Variants in RBFOX1 observed in about 807,000 individuals in gnomAD.
RBFOX1 encodes RNA binding protein fox-1 homolog 1.
Under a neutral mutation model 57.7 loss-of-function variants are expected in RBFOX1, and 8 were observed. That is an observed-to-expected ratio of 0.14 (90% CI 0.08 to 0.25). RBFOX1 has a LOEUF of 0.25. Ranked by LOEUF, RBFOX1 falls within the 10% of genes least tolerant of loss-of-function variation. RBFOX1 has a pLI of 1.00. For synonymous variants in RBFOX1, 326 were observed against 222.4 expected (o/e 1.47, Z -4.15); for missense variants, 611 against 548.5 (o/e 1.11, Z -1.14).
At chr16:5,496,348 TC>T (rs1016261233) in intron 2 of RBFOX1, among the ~76,000 whole-genome samples, 6 of 152,118 alleles carry the variant, frequency 3.9e-5, no homozygotes, top group Non-Finnish European at 8.8e-5. Flanking sequence ...TTTGGGGACC[TC>T]CCTTAGCCCT....
intron 5 of RBFOX1, among the ~76,000 whole-genome samples, chr16:7,547,534 T>C (rs764437495): frequency 3.3e-5 from 5 of 152,180 alleles, no homozygotes; most frequent in Non-Finnish European, 4.4e-5. Context: ...ACATACTTTA[T>C]TGAAGAAAAA....
rs1305627364 is a variant in RBFOX1, at chr16:6,097,722, G to C, written c.-127+77730G>C. Among the ~76,000 whole-genome samples the C allele has an allele frequency of 1.3e-5, 2 of 151,778 alleles. No homozygotes were observed. Among genetic ancestry groups the C allele is most frequent in the African/African-American group, 4.8e-5 (2 of 41,320 alleles). ...TCTGGAGCCCATAGACTCAACTCCT[G>C]TGCTATACTGCCTCTGTGTCTTTGG... is the stretch of plus-strand genomic sequence containing the variant. On this transcript the variant is annotated intron_variant, in intron 1 of 15. Transcript: ENST00000550418. This position sits in a 1 kb window ranked among gnomAD's most constrained non-coding sequence, Gnocchi z 5.0.
chr16:7,601,528 C>T (rs186123192), intron 9 of RBFOX1, among the ~76,000 whole-genome samples: 3 of 152,150 alleles, frequency 2.0e-5, no homozygotes, highest in Non-Finnish European at 2.9e-5. Flanking sequence ...CAGGTAAAAT[C>T]AGCAAACAGA....
At chr16:7,659,037 A>C (rs1394395650) in intron 12 of RBFOX1, among the ~76,000 whole-genome samples, 1 of 152,012 alleles carries the variant, frequency 6.6e-6, no homozygotes, top group Non-Finnish European at 1.5e-5. Context: ...TGTTTTTATT[A>C]TTATTCTAAG....
chr16:7,316,428 C>G (rs540944510), intron 4 of RBFOX1, among the ~76,000 whole-genome samples: 1 of 152,180 alleles, frequency 6.6e-6, no homozygotes, highest in Non-Finnish European at 1.5e-5. Context: ...CACCTCAAAT[C>G]TGATTATTTC....
rs77099973 is a variant in RBFOX1, at chr16:5,479,802, A to G, written c.258+12548A>G. ...GAATTATTTCTCCCCTGCTACCTGTATTCATGGTGGTCAGACGTGTCCTTG... is the reference window on the plus strand; with the variant it reads ...GAATTATTTCTCCCCTGCTACCTGTGTTCATGGTGGTCAGACGTGTCCTTG... On this transcript the variant is annotated intron_variant, in intron 2 of 2. Transcript: ENST00000585867. 4.6e-5 allele frequency among the ~76,000 whole-genome samples: 7 copies of G among 151,692 alleles called. No individual in the cohort carries two copies. In the East Asian group the frequency reaches 1.4e-3, roughly 30 times the overall value.
chr16:5,696,688 A>T (rs1277626226), intron 3 of RBFOX1, among the ~76,000 whole-genome samples: 1 of 152,228 alleles, frequency 6.6e-6, no homozygotes, highest in Non-Finnish European at 1.5e-5. Flanking sequence ...TATGAATTGC[A>T]TGGAATTCAA....
chr16:6,598,988 C>T (rs1229097231), intron 2 of RBFOX1, among the ~76,000 whole-genome samples: 2 of 152,114 alleles, frequency 1.3e-5, no homozygotes, highest in South Asian at 2.1e-4. Flanking sequence ...TTTCCCATCC[C>T]AGTGTCAGCA....
intron 4 of RBFOX1, among the ~76,000 whole-genome samples, chr16:7,439,241 T>A (rs949367350): frequency 1.3e-5 from 2 of 152,108 alleles, no homozygotes; most frequent in East Asian, 3.9e-4. Flanking sequence ...AACATCTGAA[T>A]CATATGATCA....
intron 3 of RBFOX1, among the ~76,000 whole-genome samples, chr16:6,823,490 C>T (rs1225180850): frequency 2.0e-5 from 3 of 151,946 alleles, no homozygotes; most frequent in Admixed American, 6.5e-5. Context: ...CTACTGGTCT[C>T]AGGTCATCTG....
chr16:7,049,277 G>T (rs2049109128), intron 3 of RBFOX1, among the ~76,000 whole-genome samples: 1 of 152,122 alleles, frequency 6.6e-6, no homozygotes, highest in Non-Finnish European at 1.5e-5. Context: ...CAAGAGAAGA[G>T]AGGAAATAAA....
chr16:6,505,277 C>T (rs573706291), intron 2 of RBFOX1, among the ~76,000 whole-genome samples: 1 of 152,206 alleles, frequency 6.6e-6, no homozygotes, highest in South Asian at 2.1e-4. Context: ...AAATGTGAAG[C>T]TTGTAGACAT....
At position 5,780,874 on chromosome 16, in the gene RBFOX1, C is replaced by T. The variant is rs191206451; in HGVS notation, c.319-86429C>T. Among the ~76,000 whole-genome samples the T allele has an allele frequency of 1.1e-3, 163 of 152,334 alleles. 2 individuals are homozygous for T. Among genetic ancestry groups the T allele is most frequent in the African/African-American group, 3.7e-3 (153 of 41,576 alleles). On this transcript the variant is annotated intron_variant, in intron 3 of 19. Transcript: ENST00000641259. ...CTGGTAGGTGCCATCGCTATCTGCA[C>T]AGTCTACCATGCTAGAGCAGAATCT...
chr16:5,818,723 T>G (rs958665489), intron 3 of RBFOX1, among the ~76,000 whole-genome samples: 1 of 152,210 alleles, frequency 6.6e-6, no homozygotes, highest in Non-Finnish European at 1.5e-5. Flanking sequence ...AGAATGAGCT[T>G]CAAGGTATGA....
At chr16:7,671,782 T>C (rs1350596333) in intron 13 of RBFOX1, among the ~76,000 whole-genome samples, 1 of 152,222 alleles carries the variant, frequency 6.6e-6, no homozygotes, top group Non-Finnish European at 1.5e-5. Context: ...TATCCCTGTA[T>C]CTATCAGTAT....
intron 3 of RBFOX1, among the ~76,000 whole-genome samples, chr16:5,712,442 G>C (rs1159014046): frequency 1.3e-5 from 2 of 152,200 alleles, no homozygotes; most frequent in African/African-American, 2.4e-5. Context: ...ATTGGGCTCA[G>C]ATCTGATTCC....
intron 1 of RBFOX1, among the ~76,000 whole-genome samples, chr16:5,416,868 G>A (rs1282781732): frequency 6.6e-6 from 1 of 152,020 alleles, no homozygotes; most frequent in Non-Finnish European, 1.5e-5. Context: ...TTGTTACTGC[G>A]GCATAACCCA....
chr16:5,415,149 G>T (rs1189964604), intron 1 of RBFOX1, among the ~76,000 whole-genome samples: 1 of 152,136 alleles, frequency 6.6e-6, no homozygotes, highest in Admixed American at 6.5e-5. Flanking sequence ...TACTACCTGA[G>T]AATGGGTATT....
chr16:6,452,827 G>A (rs528062548), intron 2 of RBFOX1, among the ~76,000 whole-genome samples: 17 of 152,266 alleles, frequency 1.1e-4, no homozygotes, highest in Non-Finnish European at 1.8e-4. Flanking sequence ...TCCACAAAAT[G>A]AGGAAAATAA....
Sources: gnomAD v4.1 joint callset for allele counts (sites outside exome capture counted in the v4.1 genomes callset) on GRCh38, gnomAD v4.1.1 for gene constraint, Gnocchi (gnomAD v3.1) non-coding constraint, MANE v1.5 for transcripts, NCBI Gene and HGNC (gene_info 2026-07-23, HGNC 2026-07-21) for gene names.